TPST2: variants seen among roughly 807,000 people sequenced by gnomAD.
The protein encoded by TPST2 is tyrosylprotein sulfotransferase 2.
A neutral mutation model predicts 27.8 loss-of-function variants in TPST2; 16 were observed. The observed-to-expected ratio is 0.58, with a 90% CI of 0.39 to 0.88. TPST2 has a LOEUF of 0.88. Ranked by LOEUF, TPST2 falls within the 40% of genes least tolerant of loss-of-function variation. The pLI is 0.00. For synonymous variants in TPST2, 229 were observed against 231.7 expected, an observed-to-expected ratio of 0.99 and a Z score of 0.10; for missense variants, 464 against 543.1, an observed-to-expected ratio of 0.85 and a Z score of 1.45.
intron 1 of TPST2, among the ~76,000 whole-genome samples, chr22:26,574,264 T>C (rs1927742856): frequency 6.6e-6 from 1 of 152,212 alleles, no homozygotes; most frequent in African/African-American, 2.4e-5. Flanking sequence ...TGAGCACTTC[T>C]ATGCATTAGA....
chr22:26,571,496 C>A (rs1186512044), intron 1 of TPST2, among the ~76,000 whole-genome samples: 1 of 152,130 alleles, frequency 6.6e-6, no homozygotes, highest in African/African-American at 2.4e-5. Context: ...ATTCTGCATT[C>A]ATTGTCTGGG....
rs1256020278 is a variant in TPST2, at chr22:26,561,971, A to G, written c.-160-17296T>C. ...GTGCTGCTGGGCAAAGCCAGAGCAC[A>G]ACTCCCACAGGCTACACCCCGTGAC... is the stretch of plus-strand genomic sequence containing the variant. On this transcript the variant is annotated intron_variant, in intron 1 of 6. Transcript: ENST00000338754. Among the ~76,000 whole-genome samples, 4 of 152,170 alleles carry G rather than the reference A, an allele frequency of 2.6e-5. No homozygotes were observed. The East Asian group carries it at 7.7e-4, about 29-fold the overall frequency.
At chr22:26,555,166 C>CA (rs777513363) in intron 1 of TPST2, 1 of 533,296 alleles carries the variant, frequency 1.9e-6, no homozygotes, top group South Asian at 1.4e-5. Flanking sequence ...TGCATTTTAA[C>CA]AAGCGCTGCC....
intron 2 of TPST2, among the ~76,000 whole-genome samples, chr22:26,542,838 C>T (rs1219215942): frequency 1.3e-5 from 2 of 152,232 alleles, no homozygotes; most frequent in African/African-American, 2.4e-5. Context: ...GGGAAGACAG[C>T]ATGCCTCTTT....
chr22:26,555,165 A>G, intron 1 of TPST2: 1 of 533,260 alleles, frequency 1.9e-6, no homozygotes. Context: ...TTGCATTTTA[A>G]CAAGCGCTGC....
chr22:26,581,601 C>T (rs1284138928), intron 1 of TPST2, among the ~76,000 whole-genome samples: 1 of 152,242 alleles, frequency 6.6e-6, no homozygotes, highest in Non-Finnish European at 1.5e-5. Context: ...TCCACAAACT[C>T]TGGGCCAATG....
chr22:26,570,017 AAGAAAGAAAGAAAGAAAGAAAGAAAGAC>A lies in TPST2; in HGVS notation c.-161+20008_-161+20035del, dbSNP rs1569193877. Among the ~76,000 whole-genome samples the A allele has an allele frequency of 7.9e-4, 75 of 94,468 alleles. 1 individual carries two copies. The highest frequency in any genetic ancestry group is 2.7e-3 in the African/African-American group (68 of 24,816). The allele number at this position is 94,468 out of a possible 152,430, so 62.0% of individuals were successfully genotyped here. A position where few individuals can be genotyped will look rare whatever the true frequency, so the allele number is the denominator to read the frequency against. On this transcript the variant is annotated intron_variant, in intron 1 of 6. Coordinates refer to ENST00000338754, the MANE Select transcript of TPST2 (RefSeq NM_003595.5). ...AAAGAAAGAAAGAAAGAAAGAAAGA[AAGAAAGAAAGAAAGAAAGAAAGAAAGAC>A]AGAAAGAAAGAAAGAAAGAAGGAAA...
chr22:26,540,637 G>A, intron 3 of TPST2, 152 bp downstream of exon 3: 1 of 658,878 alleles, frequency 1.5e-6, no homozygotes, highest in Non-Finnish European at 2.4e-6. Flanking sequence ...AGTAATTGTT[G>A]TCATTTTTTG....
intron 1 of TPST2, among the ~76,000 whole-genome samples, chr22:26,571,161 C>T (rs1460874693): frequency 6.6e-6 from 1 of 152,154 alleles, no homozygotes; most frequent in African/African-American, 2.4e-5. Flanking sequence ...TACCTTTCTG[C>T]CCCCAACCCC....
At chr22:26,572,101 T>C (rs552361143) in intron 1 of TPST2, among the ~76,000 whole-genome samples, 34 of 152,306 alleles carry the variant, frequency 2.2e-4, no homozygotes, top group Middle Eastern at 6.8e-3. Context: ...AAGGGTGCCA[T>C]GCATCCCTGG....
chr22:26,528,030 G>A (rs930773036), intron 6 of TPST2, among the ~76,000 whole-genome samples, 184 bp downstream of exon 6: 2 of 152,176 alleles, frequency 1.3e-5, no homozygotes, highest in Non-Finnish European at 2.9e-5. Context: ...ACTAAGCCTT[G>A]ATTCTATAAA....
intron 1 of TPST2, among the ~76,000 whole-genome samples, chr22:26,577,296 T>C (rs73163219): frequency 0.069 from 10,176 of 147,172 alleles, 413 homozygotes; most frequent in East Asian, 0.16. Context: ...TGAACATGCA[T>C]ATAGTGCTTA....
At chr22:26,564,543 C>T (rs1927290802) in intron 1 of TPST2, among the ~76,000 whole-genome samples, 1 of 152,188 alleles carries the variant, frequency 6.6e-6, no homozygotes, top group Admixed American at 6.5e-5. Flanking sequence ...TTTGCTCTCA[C>T]CAGTTGCACA....
chr22:26,536,104 C>T (rs1346290170), intron 4 of TPST2, 184 bp downstream of exon 4: 6 of 878,596 alleles, frequency 6.8e-6, no homozygotes, highest in Non-Finnish European at 9.4e-6. Flanking sequence ...TTTGAGCTTC[C>T]CTGCAGCCCA....
chr22:26,530,201 G>C (rs925015761), intron 5 of TPST2, among the ~76,000 whole-genome samples: 1 of 152,176 alleles, frequency 6.6e-6, no homozygotes, highest in Non-Finnish European at 1.5e-5. Flanking sequence ...AGCCTCCTGA[G>C]AACCTGGGAC....
intron 1 of TPST2, among the ~76,000 whole-genome samples, chr22:26,586,308 G>C (rs1295453057): frequency 6.6e-6 from 1 of 152,094 alleles, no homozygotes; most frequent in Non-Finnish European, 1.5e-5. Context: ...GCCCAGGCTG[G>C]AGTGCAGTGG....
intron 1 of TPST2, among the ~76,000 whole-genome samples, chr22:26,558,249 C>T (rs1371849728): frequency 6.6e-6 from 1 of 151,756 alleles, no homozygotes; most frequent in African/African-American, 2.4e-5. Flanking sequence ...AGTGATTCTC[C>T]TGCCTCAGCC....
At chr22:26,585,207 T>C in intron 1 of TPST2, among the ~76,000 whole-genome samples, 1 of 152,198 alleles carries the variant, frequency 6.6e-6, no homozygotes, top group African/African-American at 2.4e-5. Flanking sequence ...CCTGCCTGCT[T>C]TCTGGCTGCA....
At chr22:26,587,488 G>A (rs900541241) in intron 1 of TPST2, among the ~76,000 whole-genome samples, 10 of 152,032 alleles carry the variant, frequency 6.6e-5, no homozygotes, top group African/African-American at 2.2e-4. Context: ...TTACAGGCAC[G>A]CACCACCACA....
Sources: allele counts gnomAD v4.1 joint callset (sites outside exome capture counted in the v4.1 genomes callset), GRCh38; gene constraint gnomAD v4.1.1; transcripts MANE v1.5; gene names NCBI Gene and HGNC (gene_info 2026-07-23, HGNC 2026-07-21).